Variants in NRXN1 observed in about 807,000 individuals in gnomAD.
NRXN1 encodes neurexin 1.
Under a neutral mutation model 150.9 loss-of-function variants are expected in NRXN1, and 39 were observed. The observed-to-expected ratio is 0.26, with a 90% confidence interval of 0.20 to 0.34. The LOEUF is 0.34. Ranked by LOEUF, NRXN1 falls within the 10% of genes least tolerant of loss-of-function variation. The pLI is 1.00. For missense variants in NRXN1, 1,815 were observed against 1,949.9 expected, an observed-to-expected ratio of 0.93 and a Z score of 1.30; for synonymous variants, 924 against 757.0, an observed-to-expected ratio of 1.22 and a Z score of -3.62.
Position 50,329,657 on chromosome 2 carries a change from ATATATATATATATATATT to A in NRXN1, c.3365-92705_3365-92688del, listed in dbSNP as rs1376291378. Among the ~76,000 whole-genome samples, 67 of 17,406 alleles carry A rather than the reference ATATATATATATATATATT, an allele frequency of 3.8e-3. 2 individuals carry two copies. The highest frequency in any genetic ancestry group is 5.3e-3 in the Non-Finnish European group (57 of 10,710). The allele number at this position is 17,406 out of a possible 152,430, so 11.4% of individuals were successfully genotyped here. ...TATATATATATATATATATATATAT[ATATATATATATATATATT>A]TTTTTTTTTCCCCCCCGAGACGGAG... is the stretch of plus-strand genomic sequence containing the variant. On this transcript the variant is annotated intron_variant, in intron 17 of 22. Transcript: ENST00000401669.
intron 17 of NRXN1, among the ~76,000 whole-genome samples, chr2:50,316,562 A>G (rs2075624211): frequency 6.6e-6 from 1 of 152,066 alleles, no homozygotes. Flanking sequence ...TTTTTACATA[A>G]CAAGGGAATC....
intron 16 of NRXN1, among the ~76,000 whole-genome samples, chr2:50,468,726 C>A (rs779895510): frequency 2.0e-5 from 3 of 151,330 alleles, no homozygotes; most frequent in Non-Finnish European, 4.4e-5. Flanking sequence ...CATCCACTTA[C>A]TAGGTGTGGG....
intron 17 of NRXN1, among the ~76,000 whole-genome samples, chr2:50,259,925 G>T (rs2068081622): frequency 6.6e-6 from 1 of 151,756 alleles, no homozygotes; most frequent in African/African-American, 2.4e-5. Flanking sequence ...TGAGCAATAG[G>T]ATCTAGTGTA....
At chr2:49,947,514 C>CTTTTTTTTTT (rs199991365) in intron 21 of NRXN1, among the ~76,000 whole-genome samples, 232 of 109,022 alleles carry the variant, frequency 2.1e-3, no homozygotes, top group Non-Finnish European at 2.7e-3. Flanking sequence ...TTTTTTTTTT[C>CTTTTTTTTTT]TTTTTTTTTT....
At chr2:50,025,834 G>C (rs1286467368) in intron 21 of NRXN1, among the ~76,000 whole-genome samples, 1 of 152,178 alleles carries the variant, frequency 6.6e-6, no homozygotes, top group Non-Finnish European at 1.5e-5. Context: ...GCCAGGAAGA[G>C]ATCACAAGTG....
At chr2:50,865,282 T>C (rs1189699382) in intron 5 of NRXN1, among the ~76,000 whole-genome samples, 1 of 151,968 alleles carries the variant, frequency 6.6e-6, no homozygotes, top group Non-Finnish European at 1.5e-5. Context: ...AATCCCTTGC[T>C]ATCCTGTAAT....
Position 50,506,600 on chromosome 2 carries a change from G to C in NRXN1, c.2392C>G (p.Leu798Val), listed in dbSNP as rs1393239626. ...NCNSSKGPET[L>V]FAGYNLNDNE... is the part of the protein sequence containing the mutation. ...TCATTGAGGTTATAGCCAGCAAAAAGAGTCTCGGGACCTTTGCCTGTAGAA... is the reference window on the plus strand; with the variant it reads ...TCATTGAGGTTATAGCCAGCAAAAACAGTCTCGGGACCTTTGCCTGTAGAA... Residue 798 changes from leucine to valine, a missense_variant, in exon 13 of 23, where the codon CTT becomes GTT. By Grantham distance (32) the Leu-to-Val change is conservative. Transcript: ENST00000401669. 1 of 1,613,328 alleles carries C rather than the reference G, an allele frequency of 6.2e-7. No individual in the cohort carries two copies. Among genetic ancestry groups the C allele is most frequent in the African/African-American group, 1.3e-5 (1 of 75,014 alleles).
chr2:50,380,653 C>A (rs186680227), intron 17 of NRXN1, among the ~76,000 whole-genome samples: 2 of 152,026 alleles, frequency 1.3e-5, no homozygotes, highest in Non-Finnish European at 1.5e-5. Context: ...GCAAAGAAGA[C>A]AGCACGTGCC....
At chr2:50,545,496 G>A (rs2093474388) in intron 9 of NRXN1, among the ~76,000 whole-genome samples, 1 of 152,136 alleles carries the variant, frequency 6.6e-6, no homozygotes. Context: ...CCTTAGCTAG[G>A]CAAGCCCAAT....
intron 18 of NRXN1, among the ~76,000 whole-genome samples, chr2:50,135,166 G>C (rs915234401): frequency 1.4e-4 from 22 of 152,272 alleles, no homozygotes; most frequent in African/African-American, 5.3e-4. Context: ...TTGATAATAA[G>C]CAGATTTATT....
intron 5 of NRXN1, among the ~76,000 whole-genome samples, chr2:50,742,699 A>T (rs778414692): frequency 6.6e-6 from 1 of 152,136 alleles, no homozygotes; most frequent in Non-Finnish European, 1.5e-5. Flanking sequence ...AATTCATGAA[A>T]TAAGCATCAT....
Position 50,307,643 on chromosome 2 carries a change from C to T in NRXN1, c.3365-70673G>A, listed in dbSNP as rs578097676. Among the ~76,000 whole-genome samples the T allele has an allele frequency of 3.3e-5, 5 of 152,204 alleles. 1 individual carries two copies. The highest frequency in any genetic ancestry group is 9.6e-5 in the African/African-American group (4 of 41,542). On this transcript the variant is annotated intron_variant, in intron 17 of 22. Coordinates refer to ENST00000401669, the MANE Select transcript of NRXN1 (RefSeq NM_001330078.2). ...TTATATTAATAATTAGTGATCAGGT[C>T]GAATACACTGAAGCCTTGTCTATGT...
At chr2:50,687,840 T>G in intron 5 of NRXN1, among the ~76,000 whole-genome samples, 1 of 152,128 alleles carries the variant, frequency 6.6e-6, no homozygotes, top group Non-Finnish European at 1.5e-5. Context: ...AGAAGCTAAG[T>G]TTTCCCTTTG....
intron 18 of NRXN1, among the ~76,000 whole-genome samples, chr2:50,158,223 T>G (rs2059146008): frequency 6.6e-6 from 1 of 151,570 alleles, no homozygotes; most frequent in South Asian, 2.1e-4. Flanking sequence ...ATTGATAGAT[T>G]TGTCTTTCTA....
chr2:50,973,894 C>T (rs1558516869), intron 2 of NRXN1, among the ~76,000 whole-genome samples: 1 of 152,026 alleles, frequency 6.6e-6, no homozygotes, highest in Non-Finnish European at 1.5e-5. Context: ...ATTCAATTAA[C>T]ATTATTAATT....
chr2:50,127,442 T>C (rs1704771119), intron 18 of NRXN1, among the ~76,000 whole-genome samples: 1 of 152,154 alleles, frequency 6.6e-6, no homozygotes, highest in East Asian at 1.9e-4. Flanking sequence ...AATAGAATTG[T>C]GAAAAATATT....
chr2:50,776,633 G>T (rs1574437557), intron 5 of NRXN1, among the ~76,000 whole-genome samples: 2 of 142,070 alleles, frequency 1.4e-5, no homozygotes, highest in South Asian at 2.2e-4. Context: ...CATATAGTGA[G>T]ATATATATAT....
intron 12 of NRXN1, among the ~76,000 whole-genome samples, chr2:50,515,597 T>TGG (rs566557714): frequency 1.5e-3 from 188 of 125,718 alleles, no homozygotes; most frequent in South Asian, 5.4e-3. Context: ...ATTAAATGCT[T>TGG]GGGGTGTGTG....
chr2:50,533,536 C>T (rs2105224367), intron 10 of NRXN1, among the ~76,000 whole-genome samples: 1 of 152,268 alleles, frequency 6.6e-6, no homozygotes, highest in South Asian at 2.1e-4. Flanking sequence ...GGCTCTAATT[C>T]CAATCCACAT....
Sources: allele counts gnomAD v4.1 joint callset (sites outside exome capture counted in the v4.1 genomes callset), GRCh38; gene constraint gnomAD v4.1.1; transcripts MANE v1.5; gene names NCBI Gene and HGNC (gene_info 2026-07-23, HGNC 2026-07-21).